Variants in PCDHA11 observed in about 807,000 individuals in gnomAD.
PCDHA11 encodes protocadherin alpha-11.
In PCDHA11, 61 loss-of-function variants were observed where a neutral mutation model predicts 70.3. The ratio of observed to expected loss-of-function variants is 0.87; its 90% confidence interval spans 0.71 to 1.07. The LOEUF is 1.07. Among genes scored for constraint, PCDHA11 ranks in the 50% least tolerant of loss-of-function variants. The pLI is 0.00. For synonymous variants in PCDHA11, 633 were observed against 555.1 expected (o/e 1.14, Z -1.97); for missense variants, 1,324 against 1,237.5 (o/e 1.07, Z -1.05).
intron 3 of PCDHA11, among the ~76,000 whole-genome samples, chr5:140,994,912 A>G (rs2097655532): frequency 6.6e-6 from 1 of 152,222 alleles, no homozygotes; most frequent in Admixed American, 6.5e-5. Flanking sequence ...GTAGACTGGA[A>G]TCAGATTTTG....
intron 3 of PCDHA11, among the ~76,000 whole-genome samples, chr5:141,000,955 T>G (rs1237087024): frequency 6.6e-6 from 1 of 152,210 alleles, no homozygotes; most frequent in Non-Finnish European, 1.5e-5. Flanking sequence ...CTTGCTGTAA[T>G]TTAAGCCTTC....
At chr5:140,942,543 G>C (rs1272048967) in intron 1 of PCDHA11, among the ~76,000 whole-genome samples, 1 of 152,056 alleles carries the variant, frequency 6.6e-6, no homozygotes, top group Non-Finnish European at 1.5e-5. Flanking sequence ...GTATGGTGGG[G>C]GGTAGGGGGT....
At chr5:140,966,641 A>C in intron 1 of PCDHA11, 5 of 1,104,534 alleles carry the variant, frequency 4.5e-6, no homozygotes, top group Non-Finnish European at 6.0e-6. Flanking sequence ...GGCGCTTTCT[A>C]GAGCGTGAGC....
rs556197231 is a variant in PCDHA11, at chr5:140,969,709, A to C, written c.2392-9240A>C. The stretch of plus-strand genomic sequence containing the variant: ...AAATGGCCTCTGCTGTATCATCTAC[A>C]GGGAAATTTTTCTTTTGAAATCCTA... On this transcript the variant is annotated intron_variant, in intron 1 of 3. Transcript: ENST00000398640. Among the ~76,000 whole-genome samples, 11 of 152,304 alleles carry C rather than the reference A, an allele frequency of 7.2e-5. No individual in the cohort carries two copies. The East Asian group carries it at 1.5e-3, about 21-fold the overall frequency.
intron 3 of PCDHA11, among the ~76,000 whole-genome samples, chr5:140,992,017 CTG>C (rs10602499): frequency 0.14 from 19,772 of 145,244 alleles, 1,405 homozygotes; most frequent in African/African-American, 0.18. Flanking sequence ...AGAGGTGGCT[CTG>C]TGTGTGTGTG....
At chr5:140,958,867 T>C (rs1312043891) in intron 1 of PCDHA11, among the ~76,000 whole-genome samples, 1 of 152,146 alleles carries the variant, frequency 6.6e-6, no homozygotes, top group Non-Finnish European at 1.5e-5. Context: ...ACTGGGTTTA[T>C]AAAAGAATTG....
chr5:140,932,790 A>G (rs917083739), intron 1 of PCDHA11, among the ~76,000 whole-genome samples: 21 of 152,066 alleles, frequency 1.4e-4, no homozygotes, highest in African/African-American at 5.1e-4. Flanking sequence ...GACATAAGAG[A>G]AAAGCAATAC....
intron 1 of PCDHA11, among the ~76,000 whole-genome samples, chr5:140,888,878 T>G (rs1280508372): frequency 6.6e-6 from 1 of 152,132 alleles, no homozygotes; most frequent in African/African-American, 2.4e-5. Flanking sequence ...ACATAAAAAT[T>G]AAAACATTAG....
chr5:140,881,679 A>G (rs2058790767), intron 1 of PCDHA11, among the ~76,000 whole-genome samples: 1 of 152,220 alleles, frequency 6.6e-6, no homozygotes, highest in Non-Finnish European at 1.5e-5. Flanking sequence ...TGTGATTGTT[A>G]TGTTTCCTTT....
intron 1 of PCDHA11, among the ~76,000 whole-genome samples, chr5:140,911,798 T>C (rs1387986120): frequency 6.6e-6 from 1 of 152,178 alleles, no homozygotes; most frequent in Non-Finnish European, 1.5e-5. Context: ...GGTCTAATCA[T>C]ATTAAGCAGC....
intron 3 of PCDHA11, among the ~76,000 whole-genome samples, chr5:140,992,354 A>C (rs996986066): frequency 1.3e-5 from 2 of 152,184 alleles, no homozygotes; most frequent in Non-Finnish European, 2.9e-5. Context: ...TGGAGAGAGG[A>C]GAAAAATGGT....
At chr5:140,951,723 A>G (rs1364455679) in intron 1 of PCDHA11, among the ~76,000 whole-genome samples, 3 of 152,104 alleles carry the variant, frequency 2.0e-5, no homozygotes, top group Non-Finnish European at 4.4e-5. Flanking sequence ...GATCCAAACC[A>G]TGTCATTCTG....
In PCDHA11 at chr5:141,011,225, A is replaced by G. The variant is rs962544716; in HGVS notation, c.*1288A>G. ...ATACAGTGAGCAGATTTTTCAATCT[A>G]CTAATTCTGTGACTTGTCTTGGTGT... On this transcript the variant is annotated 3_prime_UTR_variant, in exon 4 of 4. Transcript: ENST00000398640. 6.5e-6 allele frequency: 1 copy of G among 153,740 alleles called. No homozygotes were observed. Among genetic ancestry groups the G allele is most frequent in the South Asian group, 2.1e-4 (1 of 4,826 alleles). The allele number at this position is 153,740 out of a possible 1,614,324, so 9.5% of individuals were successfully genotyped here.
At chr5:140,891,801 C>T (rs2063255606) in intron 1 of PCDHA11, among the ~76,000 whole-genome samples, 1 of 152,056 alleles carries the variant, frequency 6.6e-6, no homozygotes, top group Non-Finnish European at 1.5e-5. Context: ...AGGGATCTGC[C>T]CTCATGAATA....
At chr5:140,926,783 C>T (rs1230665699) in intron 1 of PCDHA11, 2 of 1,410,186 alleles carry the variant, frequency 1.4e-6, no homozygotes, top group Non-Finnish European at 1.8e-6. Flanking sequence ...CAGTGACGGC[C>T]GGCAGGAGCG....
At chr5:140,932,755 GA>G (rs1554209056) in intron 1 of PCDHA11, among the ~76,000 whole-genome samples, 4 of 151,730 alleles carry the variant, frequency 2.6e-5, no homozygotes, top group Non-Finnish European at 5.9e-5. Context: ...AAAAAGGAAA[GA>G]AAAAGAACAT....
chr5:140,920,060 G>T (rs565038135), intron 1 of PCDHA11, among the ~76,000 whole-genome samples: 1 of 152,264 alleles, frequency 6.6e-6, no homozygotes, highest in African/African-American at 2.4e-5. Context: ...CCAACACCTG[G>T]AAAAGGCAGA....
intron 1 of PCDHA11, among the ~76,000 whole-genome samples, chr5:140,925,094 G>A (rs1489905457): frequency 6.6e-6 from 1 of 151,188 alleles, no homozygotes; most frequent in Non-Finnish European, 1.5e-5. Flanking sequence ...AGGAAGGAAG[G>A]AAGGAAGGAA....
intron 1 of PCDHA11, chr5:140,929,415 C>A: frequency 6.6e-7 from 1 of 1,504,268 alleles, no homozygotes; most frequent in Non-Finnish European, 8.9e-7. Context: ...CCTTTCACAA[C>A]ATTTCATCAA....
Sources: allele counts gnomAD v4.1 joint callset (sites outside exome capture counted in the v4.1 genomes callset), GRCh38; gene constraint gnomAD v4.1.1; transcripts MANE v1.5; gene names NCBI Gene and HGNC (gene_info 2026-07-23, HGNC 2026-07-21).